Variants in CSMD1 observed in about 807,000 individuals in gnomAD.
CSMD1 encodes CUB and Sushi multiple domains 1.
In CSMD1, 213 loss-of-function variants were observed where a neutral mutation model predicts 417.5. The ratio of observed to expected loss-of-function variants is 0.51; its 90% confidence interval spans 0.46 to 0.57. The LOEUF (loss-of-function observed/expected upper bound fraction) is 0.57, where lower values mean the gene tolerates loss of function less well. Ranked by LOEUF, CSMD1 falls within the 20% of genes least tolerant of loss-of-function variation. The pLI is 0.00. For synonymous variants in CSMD1, 2,862 were observed against 1,736.8 expected (o/e 1.65, Z -16.11); for missense variants, 6,923 against 4,529.7 (o/e 1.53, Z -15.17).
At chr8:4,232,964 T>C (rs1283679198) in intron 3 of CSMD1, among the ~76,000 whole-genome samples, 3 of 152,192 alleles carry the variant, frequency 2.0e-5, no homozygotes, top group Non-Finnish European at 4.4e-5. Flanking sequence ...AATTTGGTTA[T>C]TCATAAGAAA....
chr8:3,444,755 A>T (rs1426031295), intron 12 of CSMD1, among the ~76,000 whole-genome samples: 1 of 152,242 alleles, frequency 6.6e-6, no homozygotes, highest in Non-Finnish European at 1.5e-5. Flanking sequence ...TGAAAAGGCC[A>T]CATTTATCCT....
intron 23 of CSMD1, among the ~76,000 whole-genome samples, chr8:3,329,740 G>A (rs900864143): frequency 6.6e-6 from 1 of 152,272 alleles, no homozygotes; most frequent in South Asian, 2.1e-4. Flanking sequence ...AAGAGTGTGA[G>A]CAGAGGCCAT....
intron 7 of CSMD1, among the ~76,000 whole-genome samples, chr8:3,635,117 C>G (rs1262904557): frequency 6.6e-6 from 1 of 152,032 alleles, no homozygotes; most frequent in African/African-American, 2.4e-5. Flanking sequence ...TGACGTTGCT[C>G]TGGGTGACTC....
intron 1 of CSMD1, among the ~76,000 whole-genome samples, chr8:4,989,311 G>A: frequency 6.6e-6 from 1 of 152,024 alleles, no homozygotes; most frequent in East Asian, 1.9e-4. Flanking sequence ...TGGTTGCTGT[G>A]GTGGCTGTGC....
chr8:4,048,160 T>C (rs1441622464), intron 3 of CSMD1, among the ~76,000 whole-genome samples: 2 of 152,204 alleles, frequency 1.3e-5, no homozygotes, highest in Non-Finnish European at 2.9e-5. Flanking sequence ...ATGTACGCAG[T>C]CAGACTTTGT....
chr8:3,027,995 G>A (rs1397430030), intron 51 of CSMD1, among the ~76,000 whole-genome samples: 2 of 152,160 alleles, frequency 1.3e-5, no homozygotes, highest in South Asian at 2.1e-4. Context: ...AGATTGTCAC[G>A]CAGCAAATAC....
chr8:4,792,957 G>C lies in CSMD1; in HGVS notation c.86-155399C>G, dbSNP rs186581737. 9.7e-5 allele frequency among the ~76,000 whole-genome samples: 14 copies of C among 144,664 alleles called. No individual in the cohort carries two copies. In the East Asian group the frequency reaches 2.9e-3, roughly 30 times the overall value. 94.9% of individuals were successfully genotyped at this position (144,664 alleles called of 152,430 possible). ...GGGATGCAAATTATATATGTATATG[G>C]AATATATGTGTATATATGTGTATGC... On this transcript the variant is annotated intron_variant, in intron 1 of 69. Coordinates refer to ENST00000635120, the MANE Select transcript of CSMD1 (RefSeq NM_033225.6).
At chr8:4,315,426 A>T (rs1014818346) in intron 3 of CSMD1, among the ~76,000 whole-genome samples, 1 of 152,190 alleles carries the variant, frequency 6.6e-6, no homozygotes, top group African/African-American at 2.4e-5. Flanking sequence ...TGTTCAGCAA[A>T]TATTTGTAAA....
At chr8:4,489,369 T>C (rs1008277117) in intron 2 of CSMD1, among the ~76,000 whole-genome samples, 2 of 152,206 alleles carry the variant, frequency 1.3e-5, no homozygotes, top group African/African-American at 2.4e-5. Flanking sequence ...CACACATCCA[T>C]GTATATTTCA....
chr8:3,979,090 G>A (rs182204767), intron 5 of CSMD1, among the ~76,000 whole-genome samples: 2 of 152,216 alleles, frequency 1.3e-5, no homozygotes, highest in African/African-American at 2.4e-5. Flanking sequence ...CCTTTGAACA[G>A]TAGCCAGTGC....
chr8:3,030,852 G>A lies in CSMD1; in HGVS notation c.7661-1339C>T, dbSNP rs545200925. 2.0e-5 allele frequency among the ~76,000 whole-genome samples: 3 copies of A among 152,056 alleles called. No individual in the cohort carries two copies. In the South Asian group the frequency reaches 6.2e-4, roughly 32 times the overall value. On this transcript the variant is annotated intron_variant, in intron 50 of 69. Transcript: ENST00000635120. ...ATAACCAAAATTTTACAAAAATCTTGATTAGTCTTTTCTCAGTAATTTCCA... is the reference window on the plus strand; with the variant it reads ...ATAACCAAAATTTTACAAAAATCTTAATTAGTCTTTTCTCAGTAATTTCCA...
At chr8:3,731,890 G>T (rs372703256) in intron 6 of CSMD1, among the ~76,000 whole-genome samples, 1 of 152,190 alleles carries the variant, frequency 6.6e-6, no homozygotes, top group Non-Finnish European at 1.5e-5. Flanking sequence ...GCTTAGAGCA[G>T]TTGAATAATG....
chr8:3,983,295 T>G (rs1814040955), intron 5 of CSMD1, among the ~76,000 whole-genome samples: 1 of 152,046 alleles, frequency 6.6e-6, no homozygotes, highest in East Asian at 1.9e-4. Context: ...CACGCCCGGC[T>G]AATTTTTTGT....
At chr8:4,428,307 T>C (rs1277658947) in intron 2 of CSMD1, among the ~76,000 whole-genome samples, 1 of 152,176 alleles carries the variant, frequency 6.6e-6, no homozygotes, top group East Asian at 1.9e-4. Context: ...CTACTTCACA[T>C]CTAACGAGTC....
At position 3,211,158 on chromosome 8, in the gene CSMD1, C is replaced by T. The variant is rs552655482; in HGVS notation, c.4867+3339G>A. Among the ~76,000 whole-genome samples the T allele has an allele frequency of 1.2e-4, 19 of 152,312 alleles. 1 individual carries two copies. In the East Asian group the frequency reaches 3.5e-3, roughly 28 times the overall value. ...CTTCAGAGCTCAAGTGATACTCCCA[C>T]TACAGCCTCCCGAGTAGCTGGGACC... On this transcript the variant is annotated intron_variant, in intron 30 of 69. Transcript: ENST00000635120.
At chr8:4,345,170 C>A (rs572611203) in intron 3 of CSMD1, among the ~76,000 whole-genome samples, 2 of 152,128 alleles carry the variant, frequency 1.3e-5, no homozygotes, top group Admixed American at 6.6e-5. Context: ...AAACAGATTT[C>A]CACTTACATG....
At chr8:4,398,218 T>C (rs1439903376) in intron 3 of CSMD1, among the ~76,000 whole-genome samples, 1 of 152,122 alleles carries the variant, frequency 6.6e-6, no homozygotes, top group African/African-American at 2.4e-5. Context: ...TGATCTGTAG[T>C]ATGTGGTGGG....
intron 3 of CSMD1, among the ~76,000 whole-genome samples, chr8:4,145,612 G>A (rs760148992): frequency 2.7e-5 from 4 of 150,876 alleles, no homozygotes; most frequent in Non-Finnish European, 4.4e-5. Context: ...TAGTGTCAAA[G>A]TCCTCGGCTC....
chr8:4,823,141 T>G (rs1158745748), intron 1 of CSMD1, among the ~76,000 whole-genome samples: 1 of 152,110 alleles, frequency 6.6e-6, no homozygotes, highest in Non-Finnish European at 1.5e-5. Context: ...CTGGATGCTT[T>G]ATGCAGCAAT....
Sources: allele counts gnomAD v4.1 joint callset (sites outside exome capture counted in the v4.1 genomes callset), GRCh38; gene constraint gnomAD v4.1.1; transcripts MANE v1.5; gene names NCBI Gene and HGNC (gene_info 2026-07-23, HGNC 2026-07-21).